The following CHST13 variants were observed in gnomAD, a reference collection of about 807,000 sequenced individuals.
CHST13 encodes the protein carbohydrate sulfotransferase 13.
In CHST13, 1 loss-of-function variant was observed where a neutral mutation model predicts 7.0. The ratio of observed to expected loss-of-function variants is 0.14; its 90% confidence interval spans 0.05 to 0.68. The LOEUF is 0.68. Among genes scored for constraint, CHST13 ranks in the 30% least tolerant of loss-of-function variants. The pLI is 0.82. For missense variants in CHST13, 572 were observed against 507.9 expected (o/e 1.13, Z -1.21); for synonymous variants, 257 against 240.9 (o/e 1.07, Z -0.62).
chr3:126,539,473 GCA>G (rs761229262), intron 2 of CHST13, among the ~76,000 whole-genome samples: 13 of 140,468 alleles, frequency 9.3e-5, no homozygotes, highest in South Asian at 2.3e-4. Flanking sequence ...CACACACACT[GCA>G]CACACACACA....
intron 2 of CHST13, among the ~76,000 whole-genome samples, chr3:126,537,118 G>T (rs1936812997): frequency 6.6e-6 from 1 of 152,160 alleles, no homozygotes; most frequent in South Asian, 2.1e-4. Flanking sequence ...CTCTAAAGGG[G>T]AGTATGAGGT....
At chr3:126,528,674 CGACAG>C (rs1252224847) in intron 1 of CHST13, among the ~76,000 whole-genome samples, 5 of 152,072 alleles carry the variant, frequency 3.3e-5, no homozygotes, top group Non-Finnish European at 1.5e-5. Context: ...GAGGCACAGC[CGACAG>C]GACTGTGCTC....
chr3:126,532,134 G>T (rs1488829898), intron 1 of CHST13, among the ~76,000 whole-genome samples: 3 of 152,162 alleles, frequency 2.0e-5, no homozygotes, highest in East Asian at 1.9e-4. Flanking sequence ...TTGTTCCATT[G>T]TAAGAGTTCT....
chr3:126,536,606 G>A (rs1936796527), intron 2 of CHST13, among the ~76,000 whole-genome samples: 1 of 151,976 alleles, frequency 6.6e-6, no homozygotes, highest in Non-Finnish European at 1.5e-5. Context: ...TCTTTGTGTT[G>A]CAGATAAAAA....
chr3:126,536,697 G>C (rs574188579), intron 2 of CHST13, among the ~76,000 whole-genome samples: 148 of 152,016 alleles, frequency 9.7e-4, no homozygotes, highest in Non-Finnish European at 1.7e-3. Context: ...TGCTGCAGTG[G>C]GGAGGTGTGC....
intron 2 of CHST13, among the ~76,000 whole-genome samples, chr3:126,539,718 ACACCCCC>A: frequency 9.5e-6 from 1 of 105,418 alleles, no homozygotes; most frequent in African/African-American, 4.0e-5. Context: ...TATGCCACAC[ACACCCCC>A]CACACCACAC....
rs1054097 is a variant in CHST13 at position 126,543,249 on chromosome 3, G to C, written c.*671G>C. The C allele has an allele frequency of 0.055, 8,343 of 152,318 alleles. 272 individuals are homozygous for C. Among genetic ancestry groups the C allele is most frequent in the South Asian group, 0.14 (665 of 4,816 alleles). 9.4% of individuals were successfully genotyped at this position (152,318 alleles called of 1,614,324 possible). ...GGTTTTATGGGACTTTGGTGAGCTG[G>C]GCGGTCATGGTTTTGAAATAAATGT... is the stretch of plus-strand genomic sequence containing the variant. On this transcript the variant is annotated 3_prime_UTR_variant, in exon 3 of 3. Transcript: ENST00000319340.
rs75045644 is a variant in CHST13, at chr3:126,529,654, C to T, written c.97+5225C>T. On this transcript the variant is annotated intron_variant, in intron 1 of 2. Transcript: ENST00000319340. ...GCCTGCAGTCCCCACCATGCTTTGT[C>T]TCCTTCTGTCTCTTCCTTCTCTTTC... Among the ~76,000 whole-genome samples the T allele has an allele frequency of 2.9e-3, 435 of 152,182 alleles. 1 individual carries two copies. The highest frequency in any genetic ancestry group is 0.01 in the African/African-American group (427 of 41,506).
intron 1 of CHST13, among the ~76,000 whole-genome samples, chr3:126,529,796 C>A (rs1194228507): frequency 6.6e-6 from 1 of 152,230 alleles, no homozygotes; most frequent in Non-Finnish European, 1.5e-5. Context: ...CCCCTGTCTC[C>A]CTAACCTCCT....
At chr3:126,535,969 C>T (rs1347684030) in intron 1 of CHST13, among the ~76,000 whole-genome samples, 1 of 152,206 alleles carries the variant, frequency 6.6e-6, no homozygotes, top group African/African-American at 2.4e-5. Context: ...TCTGGCCTTT[C>T]CTAGAGGGTT....
At chr3:126,536,178 T>G in intron 1 of CHST13, 93 bp from the exon 2 acceptor site, 1 of 968,102 alleles carries the variant, frequency 1.0e-6, no homozygotes, top group Non-Finnish European at 1.6e-6. Context: ...GTGCCAGAGG[T>G]GGGTCAAATG....
chr3:126,525,068 T>C (rs1188505284), intron 1 of CHST13, among the ~76,000 whole-genome samples: 1 of 152,138 alleles, frequency 6.6e-6, no homozygotes, highest in South Asian at 2.1e-4. Flanking sequence ...CATCAACCCA[T>C]TTCACACAAT....
rs1296314042 is a variant in CHST13, at chr3:126,539,829, ACACACACAC to A, written c.181-1895_181-1887del. 2.6e-3 allele frequency among the ~76,000 whole-genome samples: 198 copies of A among 75,302 alleles called. 7 individuals carry two copies. The highest frequency in any genetic ancestry group is 6.7e-3 in the African/African-American group (79 of 11,770). 49.4% of individuals were successfully genotyped at this position (75,302 alleles called of 152,430 possible). ...ACCACACACCACAAACACACATACCACACACACACCACACACATCACACACACACACCCC... is the reference window on the plus strand; with the variant it reads ...ACCACACACCACAAACACACATACCACACACACATCACACACACACACCCC... On this transcript the variant is annotated intron_variant, in intron 2 of 2. Coordinates refer to ENST00000319340, the MANE Select transcript of CHST13 (RefSeq NM_152889.3).
rs1358070514 is a variant in CHST13 at position 126,542,097 on chromosome 3, C to T, written c.545C>T (p.Ser182Leu). The change falls in exon 3 of 3, where the codon TCG (serine) becomes TTG (leucine). Residue 182 changes from serine (S) to leucine (L), a missense_variant. Transcript: ENST00000319340. The part of the protein sequence containing the change: ...FVREPFERLA[S>L]AYRNKLARPY... ...CGGGAGCCCTTCGAGCGCCTGGCAT[C>T]GGCTTACCGCAACAAGCTCGCGCGC... is the stretch of plus-strand genomic sequence containing the variant. The T allele has an allele frequency of 3.2e-6, 5 of 1,582,540 alleles. No homozygotes were observed. The highest frequency in any genetic ancestry group is 1.4e-5 in the African/African-American group (1 of 72,576).
chr3:126,530,486 A>G (rs1312407692), intron 1 of CHST13, among the ~76,000 whole-genome samples: 1 of 152,114 alleles, frequency 6.6e-6, no homozygotes, highest in Non-Finnish European at 1.5e-5. Flanking sequence ...CCCACAGAAC[A>G]CAGGCTGCTG....
In CHST13 at chr3:126,524,222, G is replaced by A; in HGVS notation, c.-111G>A. On this transcript the variant is annotated 5_prime_UTR_variant, in exon 1 of 3. Transcript: ENST00000319340. The stretch of plus-strand genomic sequence containing the variant: ...CTGCCGTGCTCCCCTGCCCTGCGCC[G>A]CGCCGCGCGTCTTGGTAGGCGCTGC... 1 of 868,374 alleles carries A rather than the reference G, an allele frequency of 1.2e-6. No individual in the cohort carries two copies. 53.8% of individuals were successfully genotyped at this position (868,374 alleles called of 1,614,324 possible).
chr3:126,525,274 C>G (rs549841906), intron 1 of CHST13, among the ~76,000 whole-genome samples: 1 of 152,150 alleles, frequency 6.6e-6, no homozygotes, highest in African/African-American at 2.4e-5. Context: ...CTCTGAGAAT[C>G]CTGGGCCCCA....
At position 126,542,673 on chromosome 3, in the gene CHST13, A is replaced by T; in HGVS notation, c.*95A>T. 2 of 1,376,398 alleles carry T rather than the reference A, an allele frequency of 1.5e-6. No individual in the cohort carries two copies. The highest frequency in any genetic ancestry group is 3.4e-5 in the South Asian group (2 of 58,802). The allele number at this position is 1,376,398 out of a possible 1,614,324, so 85.3% of individuals were successfully genotyped here. A position where few individuals can be genotyped will look rare whatever the true frequency, so the allele number is the denominator to read the frequency against. The stretch of plus-strand genomic sequence containing the variant: ...CTGCCGGCCCCAGGACCCCTCTTCA[A>T]GAGCCACTGCGTGCACTCACCTGGC... On this transcript the variant is annotated 3_prime_UTR_variant, in exon 3 of 3. Transcript: ENST00000319340.
chr3:126,542,487 GC>G lies in CHST13; in HGVS notation c.939del (p.Phe314SerfsTer111). The G allele has an allele frequency of 6.3e-7, 1 of 1,582,576 alleles. No individual in the cohort carries two copies. The highest frequency in any genetic ancestry group is 8.6e-7 in the Non-Finnish European group (1 of 1,168,006). On this transcript the variant is annotated frameshift_variant, in exon 3 of 3. Coordinates refer to ENST00000319340, the MANE Select transcript of CHST13 (RefSeq NM_152889.3). LOFTEE classifies it low-confidence loss of function (END_TRUNC). ...DLAARLFRDI[S>X]PFYQRRLFDL... The stretch of plus-strand genomic sequence containing the variant: ...GCAGCGCGCCTCTTCCGGGACATCA[GC>G]CCCTTCTACCAGCGGCGCCTCTTCG...
Sources: allele counts gnomAD v4.1 joint callset (sites outside exome capture counted in the v4.1 genomes callset), GRCh38; gene constraint gnomAD v4.1.1; transcripts MANE v1.5; gene names NCBI Gene and HGNC (gene_info 2026-07-23, HGNC 2026-07-21).